Variants in LNPK observed in about 807,000 individuals in gnomAD.
The protein encoded by LNPK is lunapark, ER junction formation factor, also known as endoplasmic reticulum junction formation protein lunapark.
LNPK carries 29 observed loss-of-function variants against 55.2 expected under a neutral mutation model. That is an observed-to-expected ratio of 0.53 (90% CI 0.39 to 0.72). The LOEUF (loss-of-function observed/expected upper bound fraction) is 0.72. LNPK is among the 30% of genes least tolerant of loss of function. LNPK has a pLI of 0.00. For missense variants in LNPK, 467 were observed against 494.8 expected (o/e 0.94, Z 0.53); for synonymous variants, 162 against 168.2 (o/e 0.96, Z 0.29).
intron 1 of LNPK, among the ~76,000 whole-genome samples, 158 bp from the exon 2 acceptor site, chr2:175,995,804 CTT>C (rs10674444): frequency 1.5e-4 from 10 of 66,418 alleles, no homozygotes; most frequent in African/African-American, 4.0e-4. Context: ...TAGAGTCTAC[CTT>C]TTTTTTTTTT....
intron 4 of LNPK, among the ~76,000 whole-genome samples, chr2:175,983,156 A>G (rs1687252512): frequency 6.6e-6 from 1 of 152,244 alleles, no homozygotes; most frequent in African/African-American, 2.4e-5. Flanking sequence ...CAATGAGAAC[A>G]AGATGCACAG....
chr2:175,998,371 AG>A (rs1688028081), intron 1 of LNPK, among the ~76,000 whole-genome samples: 1 of 147,568 alleles, frequency 6.8e-6, no homozygotes, highest in African/African-American at 2.5e-5. Flanking sequence ...TGAACCCAGG[AG>A]GCGGAGGTTG....
At chr2:175,946,164 T>C (rs1261630182) in intron 9 of LNPK, among the ~76,000 whole-genome samples, 1 of 152,190 alleles carries the variant, frequency 6.6e-6, no homozygotes. Flanking sequence ...TATAGCCCTA[T>C]TCTTACATGT....
At chr2:175,981,643 G>C (rs146890599) in intron 4 of LNPK, among the ~76,000 whole-genome samples, 1 of 152,178 alleles carries the variant, frequency 6.6e-6, no homozygotes, top group East Asian at 1.9e-4. Flanking sequence ...ACAGAATGAA[G>C]AAAGTCAGGG....
intron 1 of LNPK, among the ~76,000 whole-genome samples, chr2:175,999,193 A>T: frequency 6.6e-6 from 1 of 152,340 alleles, no homozygotes; most frequent in Admixed American, 6.5e-5. Context: ...ACAGATGTGA[A>T]AACACAACAA....
rs386652986 is a variant in LNPK, at chr2:175,925,667, TTC to T, written c.*4298_*4299del. The T allele has an allele frequency of 6.7e-4, 102 of 151,826 alleles. 3 individuals are homozygous for T. Among genetic ancestry groups the T allele is most frequent in the Non-Finnish European group, 1.1e-3 (78 of 69,548 alleles). 9.4% of individuals were successfully genotyped at this position (151,826 alleles called of 1,614,324 possible). On this transcript the variant is annotated 3_prime_UTR_variant, in exon 13 of 13. Transcript: ENST00000272748. Reference sequence around the variant, plus strand: ...GGCGTGGCAGATTCATTTTCTTTCTTTCTTTTTTTTTTTTGAGATGGAGTTTC... The same window carrying T: ...GGCGTGGCAGATTCATTTTCTTTCTTTTTTTTTTTTTTGAGATGGAGTTTC...
chr2:175,994,295 A>G, intron 2 of LNPK: 1 of 982,728 alleles, frequency 1.0e-6, no homozygotes, highest in East Asian at 1.1e-4. Context: ...TATGAAAGAC[A>G]AAACAAGAAG....
chr2:175,947,687 G>C lies in LNPK; in HGVS notation c.499C>G (p.Arg167Gly). The C allele has an allele frequency of 6.2e-7, 1 of 1,609,118 alleles. No individual in the cohort carries two copies. The highest frequency in any genetic ancestry group is 8.5e-7 in the Non-Finnish European group (1 of 1,177,160). Reference protein sequence around the residue: ...AVTARPGQEIRQRTAAQRNLS... With the variant: ...AVTARPGQEIGQRTAAQRNLS... The stretch of plus-strand genomic sequence containing the variant: ...TTTCTTTGAGCTGCAGTTCGCTGAC[G>C]AATCTCTGAGAAGAGTAAGTACATA... The change falls in exon 9 of 13, where the codon CGT (arginine) becomes GGT (glycine). Residue 167 changes from arginine (R) to glycine (G), a missense_variant. Arg to Gly is a moderately radical substitution (Grantham distance 125). Transcript: ENST00000272748.
Position 175,947,576 on chromosome 2 carries a change from G to A in LNPK, c.610C>T (p.Pro204Ser). Reference sequence around the variant, plus strand: ...ACAGTCCTTTCTGGGGGTCCACCAGGGGCAGAACTGTCCTTTGGTGGTCCA... The same window carrying A: ...ACAGTCCTTTCTGGGGGTCCACCAGAGGCAGAACTGTCCTTTGGTGGTCCA... ...SPGPPKDSSA[P>S]GGPPERTVTP... The change falls in exon 9 of 13, where the codon CCT becomes TCT. Residue 204 changes from proline to serine, a missense_variant. Pro to Ser is a moderately conservative substitution (Grantham distance 74). Coordinates refer to ENST00000272748, the MANE Select transcript of LNPK (RefSeq NM_030650.3). The A allele has an allele frequency of 6.2e-7, 1 of 1,614,004 alleles. No homozygotes were observed. Among genetic ancestry groups the A allele is most frequent in the Non-Finnish European group, 8.5e-7 (1 of 1,179,924 alleles).
chr2:175,929,936 A>G lies in LNPK; in HGVS notation c.*31T>C. ...ATAACTGACATCAGTAAGACTATAA[A>G]TATCCAGTTGAAGGCACGTGGAAGC... On this transcript the variant is annotated 3_prime_UTR_variant, in exon 13 of 13. Transcript: ENST00000272748. 6 of 1,612,514 alleles carry G rather than the reference A, an allele frequency of 3.7e-6. No individual in the cohort carries two copies. In the South Asian group the frequency reaches 4.4e-5, roughly 12 times the overall value.
chr2:175,930,274 AAACACACACACAC>A, intron 12 of LNPK, 75 bp from the exon 13 acceptor site: 1 of 733,856 alleles, frequency 1.4e-6, no homozygotes. Flanking sequence ...CAAAAAAGAT[AAACACACACACAC>A]ACACACACAC....
chr2:175,940,914 C>T (rs1313279615), intron 9 of LNPK: 3 of 448,786 alleles, frequency 6.7e-6, no homozygotes, highest in South Asian at 4.7e-5. Flanking sequence ...ACACTGCACA[C>T]AAAAAAACTG....
At position 175,938,985 on chromosome 2, in the gene LNPK, C is replaced by T. The variant is rs950925080; in HGVS notation, c.812+567G>A. Reference sequence around the variant, plus strand: ...ATGTCATTCTATTTTGAATAACATACGATTTATTACATAAACACTAAATTC... The same window carrying T: ...ATGTCATTCTATTTTGAATAACATATGATTTATTACATAAACACTAAATTC... On this transcript the variant is annotated intron_variant, in intron 10 of 12. Coordinates refer to ENST00000272748, the MANE Select transcript of LNPK (RefSeq NM_030650.3). Among the ~76,000 whole-genome samples the T allele has an allele frequency of 2.0e-4, 31 of 152,026 alleles. No individual in the cohort carries two copies. In the East Asian group the frequency reaches 5.0e-3, roughly 25 times the overall value.
At chr2:175,946,616 T>G (rs1245152920) in intron 9 of LNPK, among the ~76,000 whole-genome samples, 1 of 152,140 alleles carries the variant, frequency 6.6e-6, no homozygotes, top group Non-Finnish European at 1.5e-5. Context: ...CATTTTTTAT[T>G]GATTTTACTA....
At position 175,957,749 on chromosome 2, in the gene LNPK, C is replaced by T. The variant is rs1025857857; in HGVS notation, c.493+6623G>A. 5.3e-5 allele frequency among the ~76,000 whole-genome samples: 8 copies of T among 152,262 alleles called. 1 individual carries two copies. The highest frequency in any genetic ancestry group is 4.1e-4 in the South Asian group (2 of 4,826). On this transcript the variant is annotated intron_variant, in intron 8 of 12. Coordinates refer to ENST00000272748, the MANE Select transcript of LNPK (RefSeq NM_030650.3). ...CCACAGACGATGAGCTGAAGCAGGG[C>T]GGGGCATTGCCTCACCTGGGAAGTG... is the stretch of plus-strand genomic sequence containing the variant.
chr2:175,994,592 G>A (rs1032638202), intron 2 of LNPK, among the ~76,000 whole-genome samples: 5 of 151,950 alleles, frequency 3.3e-5, no homozygotes, highest in Admixed American at 6.6e-5. Context: ...GCACAATCTC[G>A]GCTCACTGCA....
At chr2:175,931,200 C>G (rs1684266483) in intron 12 of LNPK, among the ~76,000 whole-genome samples, 2 of 152,106 alleles carry the variant, frequency 1.3e-5, no homozygotes, top group Admixed American at 6.6e-5. Context: ...AGAAAAAAAG[C>G]ATATTTTTCC....
At chr2:175,963,927 T>C (rs577098848) in intron 8 of LNPK, among the ~76,000 whole-genome samples, 2 of 151,996 alleles carry the variant, frequency 1.3e-5, no homozygotes, top group Non-Finnish European at 2.9e-5. Context: ...GATAATTCAA[T>C]TTTCATTTTT....
At chr2:175,944,600 G>A (rs11687997) in intron 9 of LNPK, among the ~76,000 whole-genome samples, 1 of 152,010 alleles carries the variant, frequency 6.6e-6, no homozygotes, top group Non-Finnish European at 1.5e-5. Context: ...ATGATAAGGT[G>A]GGCAGCAATG....
Sources: allele counts gnomAD v4.1 joint callset (sites outside exome capture counted in the v4.1 genomes callset), GRCh38; gene constraint gnomAD v4.1.1; transcripts MANE v1.5; gene names NCBI Gene and HGNC (gene_info 2026-07-23, HGNC 2026-07-21).